RAB43: variants seen among roughly 807,000 people sequenced by gnomAD.
RAB43 encodes ras-related protein Rab-43.
Under a neutral mutation model 18.8 loss-of-function variants are expected in RAB43, and 6 were observed. That is an observed-to-expected ratio of 0.32 (90% CI 0.17 to 0.63). RAB43 has a LOEUF of 0.63. Among genes scored for constraint, RAB43 ranks in the 30% least tolerant of loss-of-function variants. The pLI, the probability that RAB43 is intolerant of heterozygous loss-of-function variation, is 0.79. For synonymous variants in RAB43, 103 were observed against 124.1 expected (o/e 0.83, Z 1.13); for missense variants, 195 against 289.1 (o/e 0.67, Z 2.36).
intron 1 of RAB43, among the ~76,000 whole-genome samples, chr3:129,105,973 A>C (rs1469397643): frequency 6.6e-6 from 1 of 152,094 alleles, no homozygotes; most frequent in Non-Finnish European, 1.5e-5. Context: ...CTGCACAGAG[A>C]AGGGCCTCAA....
At position 129,107,234 on chromosome 3, in the gene RAB43, G is replaced by A. The variant is rs1013921384; in HGVS notation, c.205-12065C>T. ...AAGCCTGGTGTCCTTTACCATGGAC[G>A]CGGCTCCTCCGCAAGCACATAGAAA... On this transcript the variant is annotated intron_variant, in intron 1 of 2. Coordinates refer to ENST00000315150, the MANE Select transcript of RAB43 (RefSeq NM_198490.3). This position sits in a 1 kb window ranked among gnomAD's most constrained non-coding sequence, Gnocchi z 4.2. 6.6e-6 allele frequency among the ~76,000 whole-genome samples: 1 copy of A among 152,218 alleles called. No individual in the cohort carries two copies. Among genetic ancestry groups the A allele is most frequent in the African/African-American group, 2.4e-5 (1 of 41,458 alleles).
rs550509108 is a variant in RAB43 at position 129,105,881 on chromosome 3, C to A, written c.205-10712G>T. On this transcript the variant is annotated intron_variant, in intron 1 of 2. Coordinates refer to ENST00000315150, the MANE Select transcript of RAB43 (RefSeq NM_198490.3). ...CACTTGGCTCCTGGTTCCTATGTCC[C>A]TCTCTTGCCATCAGGAATGGGTTCC... Among the ~76,000 whole-genome samples, 22 of 152,276 alleles carry A rather than the reference C, an allele frequency of 1.4e-4. No individual in the cohort carries two copies. In the South Asian group the frequency reaches 4.4e-3, roughly 30 times the overall value.
chr3:129,120,918 G>T (rs1428730556), intron 1 of RAB43, among the ~76,000 whole-genome samples: 1 of 152,194 alleles, frequency 6.6e-6, no homozygotes, highest in Non-Finnish European at 1.5e-5. Context: ...GAGGTGGGGG[G>T]TCTGATCTCC....
At chr3:129,099,664 G>A (rs1028731452) in intron 1 of RAB43, among the ~76,000 whole-genome samples, 1 of 152,230 alleles carries the variant, frequency 6.6e-6, no homozygotes, top group Non-Finnish European at 1.5e-5. Context: ...GGGATTACAG[G>A]CGTGAGCCAC....
intron 2 of RAB43, among the ~76,000 whole-genome samples, chr3:129,092,203 T>C (rs577131114): frequency 5.9e-5 from 9 of 152,328 alleles, no homozygotes; most frequent in African/African-American, 1.7e-4. Flanking sequence ...ATGAATTTTA[T>C]GGGCAATTAT....
chr3:129,106,572 A>G (rs1934795751), intron 1 of RAB43, among the ~76,000 whole-genome samples: 1 of 152,244 alleles, frequency 6.6e-6, no homozygotes, highest in Non-Finnish European at 1.5e-5. Flanking sequence ...AGCTAAGGAC[A>G]CAGCCTGCCA....
intron 1 of RAB43, among the ~76,000 whole-genome samples, chr3:129,119,799 C>T (rs1935790767): frequency 6.6e-6 from 1 of 152,162 alleles, no homozygotes; most frequent in Non-Finnish European, 1.5e-5. Flanking sequence ...GAACCCTGCC[C>T]CCTCCCTGAC....
intron 1 of RAB43, among the ~76,000 whole-genome samples, chr3:129,105,577 C>T (rs932860037): frequency 5.4e-5 from 8 of 148,664 alleles, no homozygotes; most frequent in Non-Finnish European, 7.5e-5. Context: ...GGTCAAGATT[C>T]GAGACCAGCC....
At chr3:129,112,862 C>T (rs879429557) in intron 1 of RAB43, among the ~76,000 whole-genome samples, 20 of 151,822 alleles carry the variant, frequency 1.3e-4, no homozygotes, top group African/African-American at 2.2e-4. Flanking sequence ...GCAATCCTCC[C>T]GCCTCAGCCT....
chr3:129,120,358 G>C (rs1208423307), intron 1 of RAB43, among the ~76,000 whole-genome samples: 3 of 152,214 alleles, frequency 2.0e-5, no homozygotes, highest in Non-Finnish European at 4.4e-5. Flanking sequence ...CTCCCTGGCA[G>C]AGATCGTCCC....
intron 1 of RAB43, among the ~76,000 whole-genome samples, chr3:129,098,358 A>G (rs1934192374): frequency 6.6e-6 from 1 of 152,220 alleles, no homozygotes; most frequent in African/African-American, 2.4e-5. Context: ...CTAACAAAAC[A>G]TAAAAAACAA....
intron 1 of RAB43, among the ~76,000 whole-genome samples, chr3:129,118,370 T>G (rs1302846033): frequency 6.6e-6 from 1 of 152,198 alleles, no homozygotes; most frequent in Non-Finnish European, 1.5e-5. Context: ...AATGTTTCGG[T>G]TTTTTTAGCA....
intron 1 of RAB43, among the ~76,000 whole-genome samples, chr3:129,112,263 A>T (rs1404043610): frequency 1.6e-5 from 2 of 126,580 alleles, no homozygotes; most frequent in East Asian, 2.0e-4. Context: ...GACCCTGTTT[A>T]AAAAAAAAAA....
rs1012657876 is a variant in RAB43, at chr3:129,092,058, TAAA to T, written c.389-715_389-713del. ...GGGCAACAAGAGCGAAACTCCGTCA[TAAA>T]AAAAAAAAAAAAAAAAAAGTCTGTA... On this transcript the variant is annotated intron_variant, in intron 2 of 2. Coordinates refer to ENST00000315150, the MANE Select transcript of RAB43 (RefSeq NM_198490.3). Among the ~76,000 whole-genome samples, 10 of 59,606 alleles carry T rather than the reference TAAA, an allele frequency of 1.7e-4. No individual in the cohort carries two copies. The East Asian group carries it at 2.3e-3, about 14-fold the overall frequency. The allele number at this position is 59,606 out of a possible 152,430, so 39.1% of individuals were successfully genotyped here. A position where few individuals can be genotyped will look rare whatever the true frequency, so the allele number is the denominator to read the frequency against.
chr3:129,099,925 A>T (rs1380836183), intron 1 of RAB43, among the ~76,000 whole-genome samples: 1 of 152,226 alleles, frequency 6.6e-6, no homozygotes, highest in Non-Finnish European at 1.5e-5. Context: ...TTGCAGTTCC[A>T]GGAAAAGATA....
intron 1 of RAB43, 89 bp downstream of exon 1, chr3:129,121,197 C>G: frequency 8.4e-7 from 1 of 1,183,892 alleles, no homozygotes; most frequent in Non-Finnish European, 1.2e-6. Context: ...CAGATGGACG[C>G]GGGGTGCGCT....
chr3:129,100,447 G>A (rs921760848), intron 1 of RAB43, among the ~76,000 whole-genome samples: 2 of 152,222 alleles, frequency 1.3e-5, no homozygotes, highest in African/African-American at 4.8e-5. Flanking sequence ...GGAAGTGGCT[G>A]CTCTAGGGCA....
Position 129,107,193 on chromosome 3 carries a change from G to A in RAB43, c.205-12024C>T, listed in dbSNP as rs576247526. ...GTCACAGGAATGAAGCATCAGCAGA[G>A]GTCTGTCTGACTCCGAAGCCTGGTG... is the stretch of plus-strand genomic sequence containing the variant. On this transcript the variant is annotated intron_variant, in intron 1 of 2. Transcript: ENST00000315150. The surrounding 1 kb of genome is among the most constrained non-coding windows in gnomAD (Gnocchi z 4.2). Among the ~76,000 whole-genome samples, 31 of 152,336 alleles carry A rather than the reference G, an allele frequency of 2.0e-4. No homozygotes were observed. The highest frequency in any genetic ancestry group is 7.0e-4 in the African/African-American group (29 of 41,582).
At chr3:129,102,554 C>T (rs1370124955) in intron 1 of RAB43, among the ~76,000 whole-genome samples, 1 of 138,986 alleles carries the variant, frequency 7.2e-6, no homozygotes, top group Non-Finnish European at 1.5e-5. Context: ...GGTGTGAACC[C>T]AGGAGGCAGA....
Sources: gnomAD v4.1 joint callset for allele counts (sites outside exome capture counted in the v4.1 genomes callset) on GRCh38, gnomAD v4.1.1 for gene constraint, Gnocchi (gnomAD v3.1) non-coding constraint, MANE v1.5 for transcripts, NCBI Gene and HGNC (gene_info 2026-07-23, HGNC 2026-07-21) for gene names.